GRM8: variants seen among roughly 807,000 people sequenced by gnomAD.
GRM8 encodes the protein glutamate metabotropic receptor 8.
A neutral mutation model predicts 87.2 loss-of-function variants in GRM8; 47 were observed. That is an observed-to-expected ratio of 0.54 (90% confidence interval 0.43 to 0.69). The LOEUF (loss-of-function observed/expected upper bound fraction) is 0.69, where lower values mean the gene tolerates loss of function less well. GRM8 is among the 30% of genes least tolerant of loss of function. The probability of loss-of-function intolerance (pLI) is 0.00; values close to 1 mark genes in which losing one functional copy is unlikely to be tolerated. For missense variants in GRM8, 1,019 were observed against 1,139.2 expected, an observed-to-expected ratio of 0.89 and a Z score of 1.52; for synonymous variants, 396 against 404.5, an observed-to-expected ratio of 0.98 and a Z score of 0.25.
intron 7 of GRM8, among the ~76,000 whole-genome samples, chr7:126,625,024 T>C (rs1166329572): frequency 1.3e-5 from 2 of 152,188 alleles, no homozygotes; most frequent in Non-Finnish European, 2.9e-5. Context: ...TGTCAGTCTA[T>C]TTCTTCCAGC....
intron 3 of GRM8, among the ~76,000 whole-genome samples, chr7:126,909,937 A>G (rs1803115173): frequency 6.6e-6 from 1 of 152,080 alleles, no homozygotes; most frequent in African/African-American, 2.4e-5. Context: ...AATTGACTAT[A>G]CCTGTGGCTT....
chr7:126,845,690 T>C (rs1796654676), intron 6 of GRM8, among the ~76,000 whole-genome samples: 1 of 152,216 alleles, frequency 6.6e-6, no homozygotes, highest in African/African-American at 2.4e-5. Flanking sequence ...ATTTGTATCT[T>C]TGTTGGGAAC....
At chr7:126,795,679 C>T (rs895078661) in intron 6 of GRM8, among the ~76,000 whole-genome samples, 2 of 152,076 alleles carry the variant, frequency 1.3e-5, no homozygotes, top group Non-Finnish European at 2.9e-5. Flanking sequence ...AGCATTTCCT[C>T]CTTGCGAAAA....
At chr7:126,693,213 G>A (rs1050423434) in intron 7 of GRM8, among the ~76,000 whole-genome samples, 4 of 152,122 alleles carry the variant, frequency 2.6e-5, no homozygotes, top group Non-Finnish European at 5.9e-5. Flanking sequence ...TGAGGTTAGT[G>A]GGTAATAGGC....
At chr7:127,034,077 G>A (rs1175906909) in intron 3 of GRM8, among the ~76,000 whole-genome samples, 1 of 152,302 alleles carries the variant, frequency 6.6e-6, no homozygotes, top group East Asian at 1.9e-4. Context: ...GGAAGGAAAT[G>A]CAAGACAAAC....
intron 3 of GRM8, among the ~76,000 whole-genome samples, chr7:127,094,324 G>C (rs1824438791): frequency 6.6e-6 from 1 of 152,194 alleles, no homozygotes; most frequent in Non-Finnish European, 1.5e-5. Flanking sequence ...TGACTTGGGA[G>C]GCATGCAGAG....
intron 7 of GRM8, among the ~76,000 whole-genome samples, chr7:126,689,427 A>G (rs980543084): frequency 6.6e-6 from 1 of 152,262 alleles, no homozygotes; most frequent in African/African-American, 2.4e-5. Context: ...ATGTTTTAGC[A>G]CTGGGCCTAT....
chr7:127,085,824 C>T (rs1167056570), intron 3 of GRM8, among the ~76,000 whole-genome samples: 2 of 152,146 alleles, frequency 1.3e-5, no homozygotes, highest in Non-Finnish European at 2.9e-5. Context: ...TCCCATTTGT[C>T]TATTTTCACT....
intron 6 of GRM8, among the ~76,000 whole-genome samples, chr7:126,818,113 G>A (rs1793963025): frequency 6.6e-6 from 1 of 151,848 alleles, no homozygotes; most frequent in Admixed American, 6.5e-5. Context: ...TTTCCAACTG[G>A]ATAAAAAGGA....
chr7:126,878,050 T>A (rs143095159), intron 6 of GRM8, among the ~76,000 whole-genome samples: 3,052 of 152,220 alleles, frequency 0.02, 104 homozygotes, highest in African/African-American at 0.069. Flanking sequence ...AGCCCTGAAT[T>A]ACTCTAGGTG....
intron 2 of GRM8, among the ~76,000 whole-genome samples, chr7:127,194,648 G>A (rs1035272577): frequency 5.9e-5 from 9 of 152,126 alleles, no homozygotes; most frequent in Non-Finnish European, 8.8e-5. Flanking sequence ...TGTTTAATCC[G>A]TAAGAAGTCA....
intron 2 of GRM8, among the ~76,000 whole-genome samples, chr7:127,151,155 A>C: frequency 6.6e-6 from 1 of 151,984 alleles, no homozygotes; most frequent in East Asian, 1.9e-4. Flanking sequence ...TTAGGACAGC[A>C]CTGGAGACTC....
At chr7:127,126,916 TAA>T (rs1330383973) in intron 2 of GRM8, among the ~76,000 whole-genome samples, 1 of 151,792 alleles carries the variant, frequency 6.6e-6, no homozygotes, top group African/African-American at 2.4e-5. Context: ...TTAAAATGGG[TAA>T]AAAACTTGAA....
At chr7:126,756,176 A>T (rs1816987363) in intron 7 of GRM8, among the ~76,000 whole-genome samples, 1 of 152,042 alleles carries the variant, frequency 6.6e-6, no homozygotes, top group East Asian at 1.9e-4. Context: ...GGGTTCAACA[A>T]ATAGTGCTGG....
intron 7 of GRM8, among the ~76,000 whole-genome samples, chr7:126,614,320 A>T (rs1425034173): frequency 1.3e-5 from 2 of 152,176 alleles, no homozygotes; most frequent in Non-Finnish European, 2.9e-5. Flanking sequence ...GAGGGTCCTG[A>T]CTGTTAGAAG....
At chr7:126,913,743 G>A (rs1420918882) in intron 3 of GRM8, among the ~76,000 whole-genome samples, 4 of 152,262 alleles carry the variant, frequency 2.6e-5, no homozygotes, top group East Asian at 1.9e-4. Context: ...GTGTAATCAC[G>A]CCTCCTGTAA....
At chr7:126,989,237 A>C (rs534897862) in intron 3 of GRM8, among the ~76,000 whole-genome samples, 1 of 152,186 alleles carries the variant, frequency 6.6e-6, no homozygotes, top group African/African-American at 2.4e-5. Context: ...CTTTACTAAC[A>C]GTTATTATTT....
At chr7:126,996,251 C>T (rs1253351263) in intron 3 of GRM8, among the ~76,000 whole-genome samples, 1 of 152,000 alleles carries the variant, frequency 6.6e-6, no homozygotes, top group Non-Finnish European at 1.5e-5. Context: ...AATAAGAAAT[C>T]ATCTGAAGGT....
chr7:126,682,925 TG>T (rs1728945289), intron 7 of GRM8, among the ~76,000 whole-genome samples: 1 of 152,150 alleles, frequency 6.6e-6, no homozygotes, highest in African/African-American at 2.4e-5. Flanking sequence ...GGCACGCCCC[TG>T]TAGTCCCAGA....
Sources: allele counts gnomAD v4.1 joint callset (sites outside exome capture counted in the v4.1 genomes callset), GRCh38; gene constraint gnomAD v4.1.1; transcripts MANE v1.5; gene names NCBI Gene and HGNC (gene_info 2026-07-23, HGNC 2026-07-21).